Variants in CSMD1 observed in about 807,000 individuals in gnomAD.
CSMD1 encodes the protein CUB and Sushi multiple domains 1.
Under a neutral mutation model 417.5 loss-of-function variants are expected in CSMD1, and 213 were observed. The ratio of observed to expected loss-of-function variants is 0.51; its 90% confidence interval spans 0.46 to 0.57. CSMD1 has a LOEUF of 0.57. Ranked by LOEUF, CSMD1 falls within the 20% of genes least tolerant of loss-of-function variation. The probability of loss-of-function intolerance (pLI) is 0.00; values close to 1 mark genes in which losing one functional copy is unlikely to be tolerated. For missense variants in CSMD1, 6,923 were observed against 4,529.7 expected (o/e 1.53, Z -15.17); for synonymous variants, 2,862 against 1,736.8 (o/e 1.65, Z -16.11).
intron 12 of CSMD1, among the ~76,000 whole-genome samples, chr8:3,455,660 C>G (rs531025958): frequency 6.6e-6 from 1 of 152,212 alleles, no homozygotes; most frequent in Non-Finnish European, 1.5e-5. Flanking sequence ...GCTGCCTGAT[C>G]CTTCCTCTGG....
chr8:3,384,494 G>T (rs1394371073), intron 18 of CSMD1, among the ~76,000 whole-genome samples: 1 of 150,914 alleles, frequency 6.6e-6, no homozygotes, highest in Non-Finnish European at 1.5e-5. Context: ...ATTCCACATT[G>T]TTCGGTTTAT....
chr8:4,815,472 C>A (rs2897705), intron 1 of CSMD1, among the ~76,000 whole-genome samples: 2 of 151,664 alleles, frequency 1.3e-5, no homozygotes, highest in Non-Finnish European at 1.5e-5. Flanking sequence ...GAGGTGGGAG[C>A]ATCACATGAG....
intron 3 of CSMD1, among the ~76,000 whole-genome samples, chr8:4,040,221 T>C (rs1446214285): frequency 6.6e-6 from 1 of 152,238 alleles, no homozygotes; most frequent in Non-Finnish European, 1.5e-5. Context: ...CATTTAGCAA[T>C]AGTAATTCCA....
intron 3 of CSMD1, among the ~76,000 whole-genome samples, chr8:4,068,960 G>A (rs548800313): frequency 6.6e-6 from 1 of 152,250 alleles, no homozygotes; most frequent in South Asian, 2.1e-4. Context: ...TACAATTTAA[G>A]TTTTCTCCTT....
intron 46 of CSMD1, 109 bp from the exon 47 acceptor site, chr8:3,097,146 T>C (rs1815364409): frequency 1.1e-6 from 1 of 886,976 alleles, no homozygotes; most frequent in Non-Finnish European, 1.6e-6. Flanking sequence ...AAAGCAATCT[T>C]ATTGAGCTCT....
intron 2 of CSMD1, among the ~76,000 whole-genome samples, chr8:4,462,864 TGAA>T (rs1799921609): frequency 6.6e-6 from 1 of 152,126 alleles, no homozygotes; most frequent in South Asian, 2.1e-4. Context: ...TCAAACTCTT[TGAA>T]GAAAATATAG....
At chr8:4,944,505 G>C (rs916791723) in intron 1 of CSMD1, among the ~76,000 whole-genome samples, 1 of 152,154 alleles carries the variant, frequency 6.6e-6, no homozygotes, top group South Asian at 2.1e-4. Flanking sequence ...AAAGCTGAAA[G>C]AACACATCAG....
intron 3 of CSMD1, among the ~76,000 whole-genome samples, chr8:4,040,094 A>G (rs952815827): frequency 2.6e-5 from 4 of 152,332 alleles, no homozygotes; most frequent in African/African-American, 9.6e-5. Flanking sequence ...GTATACAGAG[A>G]TTTTAACATA....
intron 46 of CSMD1, among the ~76,000 whole-genome samples, chr8:3,100,795 G>T (rs754150684): frequency 6.6e-6 from 1 of 152,166 alleles, no homozygotes; most frequent in Non-Finnish European, 1.5e-5. Flanking sequence ...AGGATTAATA[G>T]CATAAATTGG....
At chr8:4,062,734 C>CAAA (rs531872636) in intron 3 of CSMD1, among the ~76,000 whole-genome samples, 1 of 131,532 alleles carries the variant, frequency 7.6e-6, no homozygotes. Flanking sequence ...TTATCAAATT[C>CAAA]AAAAAAAAAA....
chr8:4,588,322 C>G (rs1585293946), intron 2 of CSMD1, among the ~76,000 whole-genome samples: 1 of 145,654 alleles, frequency 6.9e-6, no homozygotes, highest in Non-Finnish European at 1.5e-5. Flanking sequence ...AACATCAGAC[C>G]ACAGTTTCAA....
chr8:4,759,036 A>G (rs1478067313), intron 1 of CSMD1, among the ~76,000 whole-genome samples: 1 of 152,168 alleles, frequency 6.6e-6, no homozygotes, highest in East Asian at 1.9e-4. Flanking sequence ...AGATGCGGAG[A>G]TGGAGTTGAT....
intron 1 of CSMD1, among the ~76,000 whole-genome samples, chr8:4,905,609 T>G (rs11778652): frequency 1 from 151,792 of 151,864 alleles, 75,860 homozygotes; most frequent in Middle Eastern, 1. Flanking sequence ...CACGAGGTCA[T>G]GAGATCGAGG....
intron 5 of CSMD1, among the ~76,000 whole-genome samples, chr8:3,915,405 C>CAA (rs778981187): frequency 3.5e-3 from 259 of 74,838 alleles, no homozygotes; most frequent in Middle Eastern, 0.01. Context: ...GACTCTGTCT[C>CAA]AAAAAAAAAA....
intron 10 of CSMD1, among the ~76,000 whole-genome samples, chr8:3,572,802 G>C (rs1439526116): frequency 6.6e-6 from 1 of 152,042 alleles, no homozygotes; most frequent in Non-Finnish European, 1.5e-5. Flanking sequence ...CTTAACTCAA[G>C]TCAACACCTA....
intron 1 of CSMD1, among the ~76,000 whole-genome samples, chr8:4,906,313 T>G (rs1805271781): frequency 6.6e-6 from 1 of 152,226 alleles, no homozygotes; most frequent in African/African-American, 2.4e-5. Context: ...ACTCTTTATA[T>G]GCTTTATTAA....
At chr8:3,934,208 A>T (rs542364033) in intron 5 of CSMD1, among the ~76,000 whole-genome samples, 2 of 152,172 alleles carry the variant, frequency 1.3e-5, no homozygotes, top group Non-Finnish European at 2.9e-5. Context: ...ATTTCATTAC[A>T]CTCCTACCTA....
chr8:3,046,482 G>C (rs531228165), intron 50 of CSMD1, among the ~76,000 whole-genome samples: 3 of 152,122 alleles, frequency 2.0e-5, no homozygotes, highest in African/African-American at 7.2e-5. Context: ...ACATTTCAGA[G>C]CTAACAGTGC....
At chr8:3,900,577 G>C (rs772645308) in intron 5 of CSMD1, among the ~76,000 whole-genome samples, 18 of 151,978 alleles carry the variant, frequency 1.2e-4, no homozygotes, top group Admixed American at 7.2e-4. Flanking sequence ...TACTGTAGCT[G>C]GATGACACTC....
Sources: gnomAD v4.1 joint callset for allele counts (sites outside exome capture counted in the v4.1 genomes callset) on GRCh38, gnomAD v4.1.1 for gene constraint, MANE v1.5 for transcripts, NCBI Gene and HGNC (gene_info 2026-07-23, HGNC 2026-07-21) for gene names.